The following PC variants were observed in gnomAD, a reference collection of about 807,000 sequenced individuals.
PC encodes pyruvate carboxylase.
A neutral mutation model predicts 107.8 loss-of-function variants in PC; 46 were observed. That is an observed-to-expected ratio of 0.43 (90% CI 0.34 to 0.55). PC has a LOEUF of 0.55. Ranked by LOEUF, PC falls within the 20% of genes least tolerant of loss-of-function variation. The pLI is 0.04. For synonymous variants in PC, 662 were observed against 684.7 expected (o/e 0.97, Z 0.52); for missense variants, 1,241 against 1,643.1 (o/e 0.76, Z 4.23).
At chr11:66,894,506 C>G (rs1947680182) in intron 3 of PC, among the ~76,000 whole-genome samples, 1 of 152,212 alleles carries the variant, frequency 6.6e-6, no homozygotes, top group South Asian at 2.1e-4. Flanking sequence ...CCCCCAAGGG[C>G]AGAACAGGAG....
intron 3 of PC, among the ~76,000 whole-genome samples, chr11:66,907,140 T>C (rs975279536): frequency 2.0e-5 from 3 of 152,190 alleles, no homozygotes; most frequent in African/African-American, 7.2e-5. Flanking sequence ...AGGAACCATG[T>C]GGCCTTTCCC....
chr11:66,867,081 AAAAC>A (rs1487575152), intron 10 of PC, among the ~76,000 whole-genome samples: 23 of 152,206 alleles, frequency 1.5e-4, no homozygotes, highest in Admixed American at 1.2e-3. Context: ...TTTAAAAAAC[AAAAC>A]AAACAAACAA....
intron 3 of PC, among the ~76,000 whole-genome samples, chr11:66,951,709 G>A (rs1163560423): frequency 6.6e-6 from 1 of 152,036 alleles, no homozygotes; most frequent in African/African-American, 2.4e-5. Context: ...GGCCAACATG[G>A]TAAAACCCCG....
intron 3 of PC, among the ~76,000 whole-genome samples, chr11:66,874,085 G>A (rs545172686): frequency 1.1e-4 from 17 of 151,906 alleles, no homozygotes; most frequent in African/African-American, 4.1e-4. Flanking sequence ...TCAGCCTCCC[G>A]AGTAGCTGGA....
rs1392698448 is a variant in PC, at chr11:66,866,377, A to G, written c.1023-28T>C. On this transcript the variant is annotated intron_variant, in intron 10 of 22. Transcript: ENST00000393960. This position sits in a 1 kb window ranked among gnomAD's most constrained non-coding sequence, Gnocchi z 5.4. ...GTAGGGCATTGGGGGGAGGGGGGAA[A>G]GGACGGGAGAAAGGGGGAAACATGA... The G allele has an allele frequency of 9.2e-6, 13 of 1,420,114 alleles. No homozygotes were observed. The highest frequency in any genetic ancestry group is 7.4e-5 in the African/African-American group (5 of 67,988). The allele number at this position is 1,420,114 out of a possible 1,614,324, so 88.0% of individuals were successfully genotyped here.
intron 3 of PC, among the ~76,000 whole-genome samples, chr11:66,937,565 CATG>C (rs1278693316): frequency 2.6e-5 from 4 of 152,076 alleles, no homozygotes; most frequent in African/African-American, 9.7e-5. Flanking sequence ...CTGGGACTCT[CATG>C]ATGCATATGT....
chr11:66,858,240 G>A lies in PC; in HGVS notation c.1369-4857C>T, dbSNP rs138629101. On this transcript the variant is annotated intron_variant, in intron 12 of 22. Transcript: ENST00000393960. The surrounding 1 kb of genome is among the most constrained non-coding windows in gnomAD (Gnocchi z 5.9). ...CCGGCAGGTGCCCTGGGCCGGCATCGGCGCCATGCCTGCCCTGCACACCCT... is the reference window on the plus strand; with the variant it reads ...CCGGCAGGTGCCCTGGGCCGGCATCAGCGCCATGCCTGCCCTGCACACCCT... 108 of 1,612,290 alleles carry A rather than the reference G, an allele frequency of 6.7e-5. No individual in the cohort carries two copies. The highest frequency in any genetic ancestry group is 8.9e-5 in the East Asian group (4 of 44,872).
chr11:66,853,306 G>C lies in PC; in HGVS notation c.1446C>G (p.Asp482Glu). ...LAGTVDTQFI[D>E]ENPELFQLRP... ...GCAGCTGGAACAGCTCTGGGTTCTCGTCGATGAACTGGGTGTCCACAGTGC... is the reference window on the plus strand; with the variant it reads ...GCAGCTGGAACAGCTCTGGGTTCTCCTCGATGAACTGGGTGTCCACAGTGC... Residue 482 changes from aspartate (D) to glutamate (E), a missense_variant, in exon 13 of 23, where the codon GAC becomes GAG. Physicochemically the swap from Asp to Glu is conservative, Grantham distance 45. Coordinates refer to ENST00000393960, the MANE Select transcript of PC (RefSeq NM_001040716.2). 6.2e-7 allele frequency: 1 copy of C among 1,614,090 alleles called. No individual in the cohort carries two copies. The highest frequency in any genetic ancestry group is 8.5e-7 in the Non-Finnish European group (1 of 1,180,006).
chr11:66,873,478 T>TA (rs1172995250), intron 3 of PC, among the ~76,000 whole-genome samples: 2 of 73,960 alleles, frequency 2.7e-5, no homozygotes, highest in African/African-American at 1.1e-4. Context: ...TATAATATAA[T>TA]ATATAATATT....
chr11:66,942,386 C>T (rs927360581), intron 3 of PC, among the ~76,000 whole-genome samples: 9 of 141,850 alleles, frequency 6.3e-5, no homozygotes, highest in African/African-American at 1.1e-4. Context: ...GGCGACAGAG[C>T]GAGACTCCAT....
chr11:66,934,031 T>C (rs986543991), intron 3 of PC, among the ~76,000 whole-genome samples: 1 of 152,152 alleles, frequency 6.6e-6, no homozygotes, highest in South Asian at 2.1e-4. Flanking sequence ...ACCTCCACCC[T>C]TGCCGGCTTC....
At chr11:66,923,137 C>T (rs190310133) in intron 3 of PC, among the ~76,000 whole-genome samples, 131 of 152,156 alleles carry the variant, frequency 8.6e-4, no homozygotes, top group East Asian at 1.8e-3. Context: ...GAGGCTGAGG[C>T]GGGTGGATCA....
chr11:66,852,039 C>T lies in PC; in HGVS notation c.1826-93G>A. ...AGCTCTGCAGCACAAGCCTCTGGCC[C>T]CAATACCAGGTCCTGCTCATCTTCG... is the stretch of plus-strand genomic sequence containing the variant. On this transcript the variant is annotated intron_variant, in intron 15 of 22. Transcript: ENST00000393960. The surrounding 1 kb of genome is among the most constrained non-coding windows in gnomAD (Gnocchi z 4.7). 3.1e-6 allele frequency: 4 copies of T among 1,308,232 alleles called. No homozygotes were observed. Among genetic ancestry groups the T allele is most frequent in the Non-Finnish European group, 4.3e-6 (4 of 923,252 alleles). 81.0% of individuals were successfully genotyped at this position (1,308,232 alleles called of 1,614,324 possible).
intron 3 of PC, among the ~76,000 whole-genome samples, chr11:66,899,978 G>A (rs967263549): frequency 6.6e-5 from 10 of 152,070 alleles, no homozygotes; most frequent in African/African-American, 1.7e-4. Flanking sequence ...TTGTTTTAGC[G>A]CCACTTGTTG....
intron 3 of PC, among the ~76,000 whole-genome samples, chr11:66,893,193 C>CT (rs1277077512): frequency 6.6e-6 from 1 of 152,192 alleles, no homozygotes; most frequent in Non-Finnish European, 1.5e-5. Context: ...CAGCTCTGTG[C>CT]TATGACATCA....
At position 66,872,161 on chromosome 11, in the gene PC, T is replaced by C; in HGVS notation, c.1-2A>G. 6.3e-7 allele frequency: 1 copy of C among 1,579,900 alleles called. No individual in the cohort carries two copies. Among genetic ancestry groups the C allele is most frequent in the Non-Finnish European group, 8.6e-7 (1 of 1,163,818 alleles). The stretch of plus-strand genomic sequence containing the variant: ...ATGGACTGTTCGGAACTTCAGCATC[T>C]AGGGAGGGAAGTTAGAGCCCAGGTT... On this transcript the variant is annotated splice_acceptor_variant, in intron 3 of 22. Coordinates refer to ENST00000393960, the MANE Select transcript of PC (RefSeq NM_001040716.2). LOFTEE classifies it low-confidence loss of function (5UTR_SPLICE).
At chr11:66,859,538 C>T (rs1946109647) in intron 12 of PC, 1 of 1,559,218 alleles carries the variant, frequency 6.4e-7, no homozygotes, top group Non-Finnish European at 8.7e-7. Flanking sequence ...CGAGTGGCCC[C>T]AGGGGGAGGG....
intron 3 of PC, among the ~76,000 whole-genome samples, chr11:66,933,383 C>T (rs1001458136): frequency 7.2e-5 from 11 of 152,280 alleles, no homozygotes; most frequent in South Asian, 2.1e-4. Flanking sequence ...TAAGTCTCAA[C>T]GCTTATTGCT....
At chr11:66,912,702 C>T (rs1948364539) in intron 3 of PC, among the ~76,000 whole-genome samples, 1 of 152,164 alleles carries the variant, frequency 6.6e-6, no homozygotes, top group South Asian at 2.1e-4. Context: ...TTTCCTGCTT[C>T]CCCACTAGAG....
Sources: allele counts gnomAD v4.1 joint callset (sites outside exome capture counted in the v4.1 genomes callset), GRCh38; gene constraint gnomAD v4.1.1; non-coding constraint Gnocchi (gnomAD v3.1); transcripts MANE v1.5; gene names NCBI Gene and HGNC (gene_info 2026-07-23, HGNC 2026-07-21).